Variants in KPNA5 observed in about 807,000 individuals in gnomAD.
KPNA5 encodes the protein importin subunit alpha-6.
A neutral mutation model predicts 71.3 loss-of-function variants in KPNA5; 46 were observed. That is an observed-to-expected ratio of 0.65 (90% CI 0.51 to 0.83). KPNA5 has a LOEUF of 0.83. Ranked by LOEUF, KPNA5 falls within the 40% of genes least tolerant of loss-of-function variation. The pLI is 0.00. For synonymous variants in KPNA5, 207 were observed against 201.4 expected (o/e 1.03, Z -0.24); for missense variants, 547 against 628.3 (o/e 0.87, Z 1.38).
chr6:116,710,881 A>G (rs1182128030), intron 7 of KPNA5, among the ~76,000 whole-genome samples: 1 of 71,620 alleles, frequency 1.4e-5, no homozygotes, highest in African/African-American at 8.5e-5. Flanking sequence ...TTTTATATAT[A>G]TATATATATA....
In KPNA5 at chr6:116,737,196, T is replaced by G. The variant is rs938054413; in HGVS notation, c.*4873T>G. ...AAGGCAGGCACAGAACAACGTTTAT[T>G]TTACTGCTGAGTCAGTACCATTCCG... On this transcript the variant is annotated 3_prime_UTR_variant, in exon 14 of 14. Coordinates refer to ENST00000368564, the MANE Select transcript of KPNA5 (RefSeq NM_001366306.2). 4 of 151,990 alleles carry G rather than the reference T, an allele frequency of 2.6e-5. No homozygotes were observed. Among genetic ancestry groups the G allele is most frequent in the African/African-American group, 9.7e-5 (4 of 41,420 alleles). 9.4% of individuals were successfully genotyped at this position (151,990 alleles called of 1,614,324 possible). A position where few individuals can be genotyped will look rare whatever the true frequency, so the allele number is the denominator to read the frequency against.
At chr6:116,709,024 G>C (rs979006490) in intron 7 of KPNA5, among the ~76,000 whole-genome samples, 4 of 151,626 alleles carry the variant, frequency 2.6e-5, no homozygotes, top group African/African-American at 9.7e-5. Flanking sequence ...GGCCTCAAGT[G>C]ATACATCCCC....
chr6:116,739,608 G>T lies in KPNA5; in HGVS notation c.*7285G>T, dbSNP rs1779795462. 1 of 152,150 alleles carries T rather than the reference G, an allele frequency of 6.6e-6. No individual in the cohort carries two copies. Among genetic ancestry groups the T allele is most frequent in the Non-Finnish European group, 1.5e-5 (1 of 68,104 alleles). 9.4% of individuals were successfully genotyped at this position (152,150 alleles called of 1,614,324 possible). A position where few individuals can be genotyped will look rare whatever the true frequency, so the allele number is the denominator to read the frequency against. ...ACCTGACTTCAAACTATACTATAAG[G>T]CGACAGTAACCAAAACAGCATGGTA... On this transcript the variant is annotated 3_prime_UTR_variant, in exon 14 of 14. Transcript: ENST00000368564.
rs1583444819 is a variant in KPNA5, at chr6:116,725,611, A to G, written c.1000-140A>G. ...AATAGCAGACGTGTAGAAGACAGCA[A>G]GTTTTACTTTGGGAGGAATTTCTCC... is the stretch of plus-strand genomic sequence containing the variant. On this transcript the variant is annotated intron_variant, in intron 10 of 13. Coordinates refer to ENST00000368564, the MANE Select transcript of KPNA5 (RefSeq NM_001366306.2). 8.5e-5 allele frequency: 62 copies of G among 731,028 alleles called. 2 individuals are homozygous for G. The South Asian group carries it at 1.3e-3, about 15-fold the overall frequency. The allele number at this position is 731,028 out of a possible 1,614,324, so 45.3% of individuals were successfully genotyped here.
chr6:116,687,838 G>A (rs947542732), intron 1 of KPNA5, among the ~76,000 whole-genome samples: 1 of 152,098 alleles, frequency 6.6e-6, no homozygotes, highest in African/African-American at 2.4e-5. Context: ...TTTAGTTCAC[G>A]CCTTCAGCAT....
chr6:116,732,684 C>T lies in KPNA5; in HGVS notation c.*361C>T, dbSNP rs947567135. ...AGCATTCTTGGAAACTGCACATTAG[C>T]AGTAAACCTATTGATAATTGCATTT... On this transcript the variant is annotated 3_prime_UTR_variant, in exon 14 of 14. Coordinates refer to ENST00000368564, the MANE Select transcript of KPNA5 (RefSeq NM_001366306.2). 1 of 153,176 alleles carries T rather than the reference C, an allele frequency of 6.5e-6. No homozygotes were observed. Among genetic ancestry groups the T allele is most frequent in the African/African-American group, 2.4e-5 (1 of 41,416 alleles). The allele number at this position is 153,176 out of a possible 1,614,324, so 9.5% of individuals were successfully genotyped here. A position where few individuals can be genotyped will look rare whatever the true frequency, so the allele number is the denominator to read the frequency against.
At position 116,736,474 on chromosome 6, in the gene KPNA5, T is replaced by A. The variant is rs1428473462; in HGVS notation, c.*4151T>A. On this transcript the variant is annotated 3_prime_UTR_variant, in exon 14 of 14. Coordinates refer to ENST00000368564, the MANE Select transcript of KPNA5 (RefSeq NM_001366306.2). ...CACCATAAGCAAAAGTTCACTTTTTTACTGGCACTAGCCATATTTCAAGTG... is the reference window on the plus strand; with the variant it reads ...CACCATAAGCAAAAGTTCACTTTTTAACTGGCACTAGCCATATTTCAAGTG... 1 of 152,024 alleles carries A rather than the reference T, an allele frequency of 6.6e-6. No individual in the cohort carries two copies. The highest frequency in any genetic ancestry group is 1.5e-5 in the Non-Finnish European group (1 of 67,922). The allele number at this position is 152,024 out of a possible 1,614,324, so 9.4% of individuals were successfully genotyped here.
At position 116,738,832 on chromosome 6, in the gene KPNA5, G is replaced by A. The variant is rs1268356022; in HGVS notation, c.*6509G>A. 1 of 152,116 alleles carries A rather than the reference G, an allele frequency of 6.6e-6. No individual in the cohort carries two copies. The highest frequency in any genetic ancestry group is 1.5e-5 in the Non-Finnish European group (1 of 68,032). 9.4% of individuals were successfully genotyped at this position (152,116 alleles called of 1,614,324 possible). On this transcript the variant is annotated 3_prime_UTR_variant, in exon 14 of 14. Coordinates refer to ENST00000368564, the MANE Select transcript of KPNA5 (RefSeq NM_001366306.2). ...ATGCTAAAAAACTCTCAATAAATTA[G>A]GTATTGATGGGACGTATCTCCAAAT...
At chr6:116,709,313 C>T (rs769645033) in intron 7 of KPNA5, among the ~76,000 whole-genome samples, 7 of 151,804 alleles carry the variant, frequency 4.6e-5, no homozygotes, top group Admixed American at 1.3e-4. Context: ...TCTCATGCCT[C>T]AACTCTCCCA....
chr6:116,717,370 A>C (rs1441100957), intron 8 of KPNA5, among the ~76,000 whole-genome samples: 1 of 152,218 alleles, frequency 6.6e-6, no homozygotes, highest in African/African-American at 2.4e-5. Flanking sequence ...GTCTCCTTGT[A>C]GGTAGCTACT....
intron 4 of KPNA5, among the ~76,000 whole-genome samples, chr6:116,695,375 T>C (rs1777986098): frequency 6.6e-6 from 1 of 152,234 alleles, no homozygotes; most frequent in Non-Finnish European, 1.5e-5. Flanking sequence ...TGACCAATTT[T>C]ATATTGAGTT....
chr6:116,725,684 C>A, intron 10 of KPNA5, 67 bp from the exon 11 acceptor site: 1 of 1,321,124 alleles, frequency 7.6e-7, no homozygotes. Context: ...CTAAATAATT[C>A]ATTAGTAGAT....
At chr6:116,701,323 T>C (rs915790417) in intron 5 of KPNA5, among the ~76,000 whole-genome samples, 2 of 152,214 alleles carry the variant, frequency 1.3e-5, no homozygotes, top group African/African-American at 4.8e-5. Flanking sequence ...TGTGGATTTG[T>C]AGGTTGTTTT....
At chr6:116,688,016 C>T (rs1366315025) in intron 1 of KPNA5, among the ~76,000 whole-genome samples, 1 of 152,170 alleles carries the variant, frequency 6.6e-6, no homozygotes, top group East Asian at 1.9e-4. Context: ...ATTTTGGACA[C>T]ACTTAGTCTC....
chr6:116,719,639 G>A (rs996551692), intron 8 of KPNA5, among the ~76,000 whole-genome samples: 5 of 151,980 alleles, frequency 3.3e-5, no homozygotes, highest in Non-Finnish European at 7.4e-5. Flanking sequence ...TTGAGCCCAG[G>A]GGTTCGAGGC....
chr6:116,715,265 A>C (rs1447508339), intron 7 of KPNA5, among the ~76,000 whole-genome samples: 1 of 152,080 alleles, frequency 6.6e-6, no homozygotes, highest in Admixed American at 6.5e-5. Flanking sequence ...TGCATGCCAA[A>C]TTTTGATGTA....
chr6:116,741,339 G>T lies in KPNA5; in HGVS notation c.*9016G>T, dbSNP rs967043988. ...TGTTTTTTACATTATTTTGTGCATA[G>T]AAATTTAGAATTACATCTTTTTTTT... On this transcript the variant is annotated 3_prime_UTR_variant, in exon 14 of 14. Transcript: ENST00000368564. 7.0e-6 allele frequency: 1 copy of T among 143,478 alleles called. No homozygotes were observed. Among genetic ancestry groups the T allele is most frequent in the Admixed American group, 6.8e-5 (1 of 14,742 alleles). 8.9% of individuals were successfully genotyped at this position (143,478 alleles called of 1,614,324 possible).
chr6:116,683,666 G>A lies in KPNA5; in HGVS notation c.4+2328G>A, dbSNP rs112956923. On this transcript the variant is annotated intron_variant, in intron 1 of 13. Transcript: ENST00000368564. ...ATGATCTTGGCTCACTGCAAGTTCCGCCTCCCGGGGTTCATGCCAGGAGTC... is the reference window on the plus strand; with the variant it reads ...ATGATCTTGGCTCACTGCAAGTTCCACCTCCCGGGGTTCATGCCAGGAGTC... 2.7e-3 allele frequency among the ~76,000 whole-genome samples: 404 copies of A among 151,906 alleles called. 4 individuals are homozygous for A. The highest frequency in any genetic ancestry group is 9.3e-3 in the African/African-American group (386 of 41,450).
intron 10 of KPNA5, 108 bp from the exon 11 acceptor site, chr6:116,725,639 TCTTA>T: frequency 1.0e-6 from 1 of 984,664 alleles, no homozygotes; most frequent in Non-Finnish European, 1.4e-6. Context: ...ATTTCTCCTT[TCTTA>T]ATTTCACTTT....
Sources: gnomAD v4.1 joint callset for allele counts (sites outside exome capture counted in the v4.1 genomes callset) on GRCh38, gnomAD v4.1.1 for gene constraint, MANE v1.5 for transcripts, NCBI Gene and HGNC (gene_info 2026-07-23, HGNC 2026-07-21) for gene names.